ANO2: variants seen among roughly 807,000 people sequenced by gnomAD.
ANO2 encodes the protein anoctamin 2.
In ANO2, 101 loss-of-function variants were observed where a neutral mutation model predicts 124.2. The ratio of observed to expected loss-of-function variants is 0.81; its 90% CI spans 0.69 to 0.96. The LOEUF is 0.96. Among genes scored for constraint, ANO2 ranks in the 40% least tolerant of loss-of-function variants. ANO2 has a pLI of 0.00. For synonymous variants in ANO2, 486 were observed against 482.5 expected, an observed-to-expected ratio of 1.01 and a Z score of -0.09; for missense variants, 1,293 against 1,274.5, an observed-to-expected ratio of 1.01 and a Z score of -0.22.
chr12:5,873,498 G>T (rs73052336), intron 3 of ANO2, among the ~76,000 whole-genome samples: 11,048 of 152,250 alleles, frequency 0.073, 925 homozygotes, highest in African/African-American at 0.21. Context: ...TGCCTCGCTG[G>T]AGGAATTTGG....
intron 14 of ANO2, among the ~76,000 whole-genome samples, chr12:5,696,525 T>C (rs1308077570): frequency 1.3e-5 from 2 of 152,224 alleles, no homozygotes; most frequent in Non-Finnish European, 2.9e-5. Context: ...ACATTTTTTT[T>C]AAATGAGTTT....
intron 14 of ANO2, among the ~76,000 whole-genome samples, chr12:5,732,156 T>C (rs557307730): frequency 2.0e-5 from 3 of 152,300 alleles, no homozygotes; most frequent in African/African-American, 7.2e-5. Flanking sequence ...GTGTCTAACA[T>C]AGAGCAAGCG....
At chr12:5,621,679 T>C (rs1945125492) in intron 16 of ANO2, among the ~76,000 whole-genome samples, 1 of 152,208 alleles carries the variant, frequency 6.6e-6, no homozygotes, top group South Asian at 2.1e-4. Context: ...GAAATTGTTC[T>C]GGATTCACTC....
chr12:5,670,010 T>C (rs1440290974), intron 14 of ANO2, among the ~76,000 whole-genome samples: 11 of 152,184 alleles, frequency 7.2e-5, no homozygotes, highest in Non-Finnish European at 1.3e-4. Flanking sequence ...CACATAAAAC[T>C]TTACAAGTCT....
intron 20 of ANO2, among the ~76,000 whole-genome samples, chr12:5,596,426 A>G (rs971053581): frequency 1.7e-4 from 26 of 152,368 alleles, no homozygotes; most frequent in Admixed American, 1.7e-3. Flanking sequence ...AACAGCACCA[A>G]AATGGTTTAA....
intron 7 of ANO2, among the ~76,000 whole-genome samples, chr12:5,816,319 T>A (rs1228297082): frequency 4.3e-5 from 1 of 23,200 alleles, no homozygotes; most frequent in Admixed American, 6.8e-4. Flanking sequence ...GTTATCACAT[T>A]CCTCATTTTT....
At chr12:5,756,277 T>C (rs1951578014) in intron 10 of ANO2, among the ~76,000 whole-genome samples, 1 of 152,076 alleles carries the variant, frequency 6.6e-6, no homozygotes, top group African/African-American at 2.4e-5. Flanking sequence ...TAATTGTGTT[T>C]AGCTGTCTGT....
At chr12:5,790,354 C>A (rs1180720913) in intron 10 of ANO2, among the ~76,000 whole-genome samples, 1 of 152,136 alleles carries the variant, frequency 6.6e-6, no homozygotes, top group Non-Finnish European at 1.5e-5. Context: ...AGAGAAACCA[C>A]CTGAGATCCT....
intron 3 of ANO2, among the ~76,000 whole-genome samples, chr12:5,867,300 G>T (rs1369035388): frequency 6.6e-6 from 1 of 152,188 alleles, no homozygotes; most frequent in African/African-American, 2.4e-5. Flanking sequence ...CACCTGCTCA[G>T]CCCCAACTTG....
At chr12:5,577,549 C>A (rs1197233104) in intron 22 of ANO2, among the ~76,000 whole-genome samples, 1 of 152,176 alleles carries the variant, frequency 6.6e-6, no homozygotes, top group African/African-American at 2.4e-5. Flanking sequence ...CACTGACAAC[C>A]TGGAGGAACG....
rs181511902 is a variant in ANO2, at chr12:5,891,062, T to C, written c.534+29978A>G. On this transcript the variant is annotated intron_variant, in intron 3 of 24. Coordinates refer to ENST00000682330, the MANE Select transcript of ANO2 (RefSeq NM_001364791.2). ...CCATTTACAATCCTGATAGACTGTG[T>C]AGAGATCACACATTTCTCTTCAGAC... Among the ~76,000 whole-genome samples, 50 of 152,288 alleles carry C rather than the reference T, an allele frequency of 3.3e-4. 1 individual carries two copies. Among genetic ancestry groups the C allele is most frequent in the African/African-American group, 1.1e-3 (45 of 41,552 alleles).
At chr12:5,803,991 C>G (rs1045034704) in intron 9 of ANO2, among the ~76,000 whole-genome samples, 1 of 152,090 alleles carries the variant, frequency 6.6e-6, no homozygotes, top group Non-Finnish European at 1.5e-5. Context: ...GCAGGATGGG[C>G]AGGTTGGGAC....
chr12:5,606,618 A>G (rs963933402), intron 19 of ANO2, among the ~76,000 whole-genome samples: 7 of 152,368 alleles, frequency 4.6e-5, no homozygotes, highest in South Asian at 2.1e-4. Flanking sequence ...ATATGCAAAT[A>G]GCTGTTTGCA....
intron 14 of ANO2, among the ~76,000 whole-genome samples, chr12:5,700,834 G>A (rs1423912011): frequency 7.2e-5 from 11 of 152,124 alleles, no homozygotes; most frequent in South Asian, 2.1e-4. Context: ...GACTCCTCAC[G>A]TCTGTTTGAT....
chr12:5,877,529 C>T (rs1938191461), intron 3 of ANO2, among the ~76,000 whole-genome samples: 1 of 152,096 alleles, frequency 6.6e-6, no homozygotes, highest in African/African-American at 2.4e-5. Flanking sequence ...ACATGAGGGG[C>T]CCAGGCTGGG....
In ANO2 at chr12:5,610,849, C is replaced by T. The variant is rs954864379; in HGVS notation, c.2087+1807G>A. Among the ~76,000 whole-genome samples the T allele has an allele frequency of 3.4e-5, 5 of 146,326 alleles. No individual in the cohort carries two copies. The Admixed American group carries it at 3.5e-4, about 10-fold the overall frequency. On this transcript the variant is annotated intron_variant, in intron 19 of 24. Coordinates refer to ENST00000682330, the MANE Select transcript of ANO2 (RefSeq NM_001364791.2). Reference sequence around the variant, plus strand: ...ACACACACACACACACACACACACACACACACACACAACCCTAAGGGAAAT... The same window carrying T: ...ACACACACACACACACACACACACATACACACACACAACCCTAAGGGAAAT...
chr12:5,920,083 G>A (rs1218202005), intron 3 of ANO2, among the ~76,000 whole-genome samples: 2 of 109,790 alleles, frequency 1.8e-5, no homozygotes, highest in African/African-American at 5.6e-5. Flanking sequence ...ATGGATGGAT[G>A]CATGCATGCA....
At chr12:5,797,318 CAGTT>C (rs1465670452) in intron 10 of ANO2, among the ~76,000 whole-genome samples, 1 of 152,010 alleles carries the variant, frequency 6.6e-6, no homozygotes, top group Non-Finnish European at 1.5e-5. Context: ...CCAAGACTCA[CAGTT>C]AGATTGGGGA....
Position 5,945,196 on chromosome 12 carries a change from C to A in ANO2, c.22G>T (p.Asp8Tyr). 1 of 1,288,694 alleles carries A rather than the reference C, an allele frequency of 7.8e-7. No homozygotes were observed. Among genetic ancestry groups the A allele is most frequent in the Non-Finnish European group, 1.0e-6 (1 of 988,226 alleles). 79.8% of individuals were successfully genotyped at this position (1,288,694 alleles called of 1,614,324 possible). Residue 8 changes from aspartate to tyrosine, a missense_variant and splice_region_variant, in exon 1 of 25, where the codon GAT becomes TAT. By Grantham distance (160) the Asp-to-Tyr change is radical. Transcript: ENST00000682330. MATPGPRDIPLLPGSPRR... is the reference protein window; with the variant it reads MATPGPRYIPLLPGSPRR... ...GACCAGGTCCAGCCGGAAAACTCAC[C>A]GCGCGGCCCGGGAGTCGCCATGATG...
Sources: allele counts gnomAD v4.1 joint callset (sites outside exome capture counted in the v4.1 genomes callset), GRCh38; gene constraint gnomAD v4.1.1; transcripts MANE v1.5; gene names NCBI Gene and HGNC (gene_info 2026-07-23, HGNC 2026-07-21).